The following DAPK1 variants were observed in gnomAD, a reference collection of about 807,000 sequenced individuals.
DAPK1 encodes the protein death associated protein kinase 1.
Under a neutral mutation model 144.9 loss-of-function variants are expected in DAPK1, and 56 were observed. The ratio of observed to expected loss-of-function variants is 0.39; its 90% CI spans 0.31 to 0.48. The LOEUF (loss-of-function observed/expected upper bound fraction) is 0.48, where lower values mean the gene tolerates loss of function less well. DAPK1 is among the 20% of genes least tolerant of loss of function. The pLI, the probability that DAPK1 is intolerant of heterozygous loss-of-function variation, is 0.95. For missense variants in DAPK1, 1,454 were observed against 1,875.4 expected (o/e 0.78, Z 4.15); for synonymous variants, 690 against 749.0 (o/e 0.92, Z 1.29).
At position 87,703,124 on chromosome 9, in the gene DAPK1, G is replaced by A. The variant is rs370380903; in HGVS notation, c.2967G>A (p.Gln989=). The change falls in exon 25 of 26, where the codon CAG becomes CAA. Residue 989 remains glutamine (Q), a synonymous_variant. Coordinates refer to ENST00000408954, the MANE Select transcript of DAPK1 (RefSeq NM_004938.4). ...LNGPNQLMSL[Q]QFVYDVQDQL... is the part of the protein sequence containing the mutation. ...GACCCAACCAGCTGATGTCGCTGCAGCAGTTTGTGTACGACGTGCAGGACC... is the reference window on the plus strand; with the variant it reads ...GACCCAACCAGCTGATGTCGCTGCAACAGTTTGTGTACGACGTGCAGGACC... 8 of 1,606,830 alleles carry A rather than the reference G, an allele frequency of 5.0e-6. No homozygotes were observed. The highest frequency in any genetic ancestry group is 1.7e-6 in the Non-Finnish European group (2 of 1,173,294).
chr9:87,622,229 A>G (rs1205467231), intron 3 of DAPK1, among the ~76,000 whole-genome samples: 1 of 152,006 alleles, frequency 6.6e-6, no homozygotes, highest in Non-Finnish European at 1.5e-5. Flanking sequence ...GGAAACAAAA[A>G]TGCAAGCAGA....
rs959046361 is a variant in DAPK1 at position 87,707,482 on chromosome 9, A to G, written c.*118A>G. 1.3e-5 allele frequency: 9 copies of G among 667,200 alleles called. No homozygotes were observed. The highest frequency in any genetic ancestry group is 2.0e-5 in the Non-Finnish European group (8 of 393,078). The allele number at this position is 667,200 out of a possible 1,614,324, so 41.3% of individuals were successfully genotyped here. A position where few individuals can be genotyped will look rare whatever the true frequency, so the allele number is the denominator to read the frequency against. On this transcript the variant is annotated 3_prime_UTR_variant, in exon 26 of 26. Coordinates refer to ENST00000408954, the MANE Select transcript of DAPK1 (RefSeq NM_004938.4). The surrounding 1 kb of genome is among the most constrained non-coding windows in gnomAD (Gnocchi z 4.0). ...TCTTCCTGCACCCACAGCCAGGGGG[A>G]TGCCACTCCTCCCTCCGGCTTGACC... is the stretch of plus-strand genomic sequence containing the variant.
chr9:87,632,112 ATGTG>A, intron 3 of DAPK1: 1 of 630,140 alleles, frequency 1.6e-6, no homozygotes, highest in Non-Finnish European at 2.0e-6. Context: ...ATATATATGT[ATGTG>A]TGTGTGTATA....
chr9:87,532,137 G>T lies in DAPK1; in HGVS notation c.62+32998G>T, dbSNP rs189354256. Among the ~76,000 whole-genome samples, 21 of 152,292 alleles carry T rather than the reference G, an allele frequency of 1.4e-4. No homozygotes were observed. The East Asian group carries it at 3.7e-3, about 27-fold the overall frequency. On this transcript the variant is annotated intron_variant, in intron 2 of 25. Transcript: ENST00000408954. ...TTAACTGGTGCCACACATTGCCAAG[G>T]CCCTATGGTTTACTTCAAGGGTCAG...
chr9:87,592,386 C>T (rs189434408), intron 2 of DAPK1, among the ~76,000 whole-genome samples: 1 of 152,324 alleles, frequency 6.6e-6, no homozygotes, highest in Admixed American at 6.5e-5. Context: ...CTTCTAAAGC[C>T]CCCCAGTGAT....
chr9:87,617,640 T>G (rs1829144674), intron 3 of DAPK1, among the ~76,000 whole-genome samples: 1 of 152,192 alleles, frequency 6.6e-6, no homozygotes, highest in Admixed American at 6.5e-5. Flanking sequence ...CAAAGTGTAT[T>G]AATTTGTATG....
chr9:87,526,375 C>T (rs1308924999), intron 2 of DAPK1, among the ~76,000 whole-genome samples: 1 of 152,202 alleles, frequency 6.6e-6, no homozygotes, highest in African/African-American at 2.4e-5. Flanking sequence ...CTTGCAGTGT[C>T]TCCTTTTCAA....
intron 2 of DAPK1, among the ~76,000 whole-genome samples, chr9:87,533,359 A>G (rs190928764): frequency 3.9e-5 from 6 of 152,340 alleles, no homozygotes; most frequent in African/African-American, 9.6e-5. Flanking sequence ...TTTGCAACAC[A>G]TTTATGTTCT....
At chr9:87,536,076 TTC>T (rs1432644231) in intron 2 of DAPK1, among the ~76,000 whole-genome samples, 1 of 152,218 alleles carries the variant, frequency 6.6e-6, no homozygotes, top group East Asian at 1.9e-4. Flanking sequence ...TTCATTTATG[TTC>T]TTTCTTGTTT....
intron 19 of DAPK1, among the ~76,000 whole-genome samples, chr9:87,669,717 C>T (rs1171681384): frequency 6.6e-6 from 1 of 151,642 alleles, no homozygotes; most frequent in African/African-American, 2.4e-5. Context: ...CCTTCACAGC[C>T]CCTGAAGTTT....
Position 87,668,614 on chromosome 9 carries a change from A to G in DAPK1, c.1941A>G (p.Glu647=), listed in dbSNP as rs1831141139. Residue 647 remains glutamate, a synonymous_variant, in exon 19 of 26, where the codon GAA becomes GAG. Coordinates refer to ENST00000408954, the MANE Select transcript of DAPK1 (RefSeq NM_004938.4). The part of the protein sequence containing the change: ...EALTTDGKTA[E]DLARSEQHEH... ...TCCAACAGGACGGAAAGACGGCAGA[A>G]GATCTTGCTAGATCGGAACAGCACG... The G allele has an allele frequency of 2.8e-6, 4 of 1,452,218 alleles. No homozygotes were observed. Among genetic ancestry groups the G allele is most frequent in the Non-Finnish European group, 2.9e-6 (3 of 1,032,300 alleles). 90.0% of individuals were successfully genotyped at this position (1,452,218 alleles called of 1,614,324 possible).
chr9:87,528,025 A>G (rs929621948), intron 2 of DAPK1, among the ~76,000 whole-genome samples: 17 of 152,300 alleles, frequency 1.1e-4, no homozygotes, highest in East Asian at 1.9e-4. Flanking sequence ...ACACCAATAC[A>G]TATATAGGTA....
intron 2 of DAPK1, among the ~76,000 whole-genome samples, chr9:87,513,476 T>C (rs531490683): frequency 2.0e-5 from 3 of 152,318 alleles, no homozygotes; most frequent in South Asian, 2.1e-4. Context: ...TGGGTATGTA[T>C]GTATGTCTCT....
intron 2 of DAPK1, among the ~76,000 whole-genome samples, chr9:87,510,584 T>G (rs1824797217): frequency 6.6e-6 from 1 of 152,248 alleles, no homozygotes; most frequent in South Asian, 2.1e-4. Context: ...AGGGGACTTA[T>G]GCGTGGGATT....
chr9:87,705,772 A>G (rs1825613841), intron 25 of DAPK1, among the ~76,000 whole-genome samples: 1 of 152,190 alleles, frequency 6.6e-6, no homozygotes, highest in Admixed American at 6.5e-5. Context: ...ACTGGTCCCA[A>G]TAATTTCTTT....
At chr9:87,678,766 A>G (rs1824498748) in intron 19 of DAPK1, among the ~76,000 whole-genome samples, 1 of 152,142 alleles carries the variant, frequency 6.6e-6, no homozygotes, top group African/African-American at 2.4e-5. Context: ...GCATTTTGTT[A>G]CAGGGTGTCT....
At chr9:87,551,069 T>G (rs1826465169) in intron 2 of DAPK1, among the ~76,000 whole-genome samples, 2 of 152,168 alleles carry the variant, frequency 1.3e-5, no homozygotes, top group Admixed American at 1.3e-4. Flanking sequence ...CCAGTGCTGC[T>G]TCAGTCTGGT....
intron 3 of DAPK1, among the ~76,000 whole-genome samples, chr9:87,621,275 C>G (rs1829284782): frequency 6.6e-6 from 1 of 152,166 alleles, no homozygotes; most frequent in Admixed American, 6.5e-5. Context: ...GCAGGATACT[C>G]CAGGGCCCCA....
At chr9:87,542,461 G>T (rs1295376151) in intron 2 of DAPK1, among the ~76,000 whole-genome samples, 1 of 152,186 alleles carries the variant, frequency 6.6e-6, no homozygotes, top group Non-Finnish European at 1.5e-5. Context: ...CAGCATTTCA[G>T]TGTGACACTG....
Sources: gnomAD v4.1 joint callset for allele counts (sites outside exome capture counted in the v4.1 genomes callset) on GRCh38, gnomAD v4.1.1 for gene constraint, Gnocchi (gnomAD v3.1) non-coding constraint, MANE v1.5 for transcripts, NCBI Gene and HGNC (gene_info 2026-07-23, HGNC 2026-07-21) for gene names.